MCF2L2: variants seen among roughly 807,000 people sequenced by gnomAD.
The protein encoded by MCF2L2 is MCF.2 cell line derived transforming sequence-like 2.
A neutral mutation model predicts 150.2 loss-of-function variants in MCF2L2; 102 were observed. That is an observed-to-expected ratio of 0.68 (90% CI 0.58 to 0.80). The LOEUF (loss-of-function observed/expected upper bound fraction) is 0.80, where lower values mean the gene tolerates loss of function less well. MCF2L2 is among the 30% of genes least tolerant of loss of function. The pLI, the probability that MCF2L2 is intolerant of heterozygous loss-of-function variation, is 0.00. For synonymous variants in MCF2L2, 465 were observed against 491.3 expected (o/e 0.95, Z 0.71); for missense variants, 1,256 against 1,372.8 (o/e 0.91, Z 1.34).
intron 26 of MCF2L2, among the ~76,000 whole-genome samples, chr3:183,193,548 A>T (rs1721980053): frequency 6.6e-6 from 1 of 151,994 alleles, no homozygotes; most frequent in East Asian, 1.9e-4. Context: ...ACGAGGTTTC[A>T]CCATGTTGGC....
chr3:183,327,956 C>T (rs1236350991), intron 5 of MCF2L2, among the ~76,000 whole-genome samples: 1 of 152,098 alleles, frequency 6.6e-6, no homozygotes, highest in Non-Finnish European at 1.5e-5. Context: ...TACATGAATG[C>T]GGTGACTCAG....
chr3:183,211,418 G>A, intron 22 of MCF2L2, among the ~76,000 whole-genome samples: 1 of 152,192 alleles, frequency 6.6e-6, no homozygotes. Flanking sequence ...TATCCTCTGG[G>A]TCATGTTGCA....
At chr3:183,399,166 T>C (rs1714614462) in intron 1 of MCF2L2, among the ~76,000 whole-genome samples, 1 of 152,326 alleles carries the variant, frequency 6.6e-6, no homozygotes, top group African/African-American at 2.4e-5. Context: ...GTAGCAAATA[T>C]ATAATAGCCA....
At chr3:183,180,297 A>C (rs1721474140) in intron 27 of MCF2L2, 138 bp from the exon 28 acceptor site, 1 of 670,994 alleles carries the variant, frequency 1.5e-6, no homozygotes, top group Admixed American at 2.5e-5. Context: ...AAGGGCCTGC[A>C]CTGCGCTGGG....
At chr3:183,420,883 C>T (rs1715848991) in intron 1 of MCF2L2, among the ~76,000 whole-genome samples, 1 of 152,176 alleles carries the variant, frequency 6.6e-6, no homozygotes, top group South Asian at 2.1e-4. Flanking sequence ...CCACCAGGTC[C>T]CTCCCTTAAC....
chr3:183,185,965 A>C (rs572835561), intron 27 of MCF2L2, among the ~76,000 whole-genome samples: 16 of 152,116 alleles, frequency 1.1e-4, no homozygotes, highest in Non-Finnish European at 2.1e-4. Flanking sequence ...AGGCAGTCTG[A>C]GCTGGCTGTC....
At chr3:183,249,276 G>A (rs1166319275) in intron 15 of MCF2L2, among the ~76,000 whole-genome samples, 1 of 152,164 alleles carries the variant, frequency 6.6e-6, no homozygotes, top group African/African-American at 2.4e-5. Context: ...GCTGGGAAAA[G>A]GAGAAGAAAT....
In MCF2L2 at chr3:183,338,851, G is replaced by T; in HGVS notation, c.435C>A (p.Phe145Leu). Residue 145 changes from phenylalanine to leucine, a missense_variant, in exon 5 of 30, where the codon TTC (phenylalanine) becomes TTA (leucine). Coordinates refer to ENST00000328913, the MANE Select transcript of MCF2L2 (RefSeq NM_015078.4). ...GATAGTATTTAATGCCAATGTCAGT[G>T]AATGTCCTCTGGATAAAGCGAGATG... The part of the protein sequence containing the change: ...LRPSRFIQRT[F>L]TDIGIKYYRN... 1.2e-6 allele frequency: 2 copies of T among 1,608,598 alleles called. No homozygotes were observed. The highest frequency in any genetic ancestry group is 2.2e-5 in the South Asian group (2 of 90,572).
At chr3:183,308,654 G>T (rs1362823536) in intron 10 of MCF2L2, among the ~76,000 whole-genome samples, 1 of 152,214 alleles carries the variant, frequency 6.6e-6, no homozygotes, top group Non-Finnish European at 1.5e-5. Context: ...AGCTCTTAGA[G>T]TCAGTGTGGC....
In MCF2L2 at chr3:183,179,611, G is replaced by T; in HGVS notation, c.3187C>A (p.Gln1063Lys). 1.2e-6 allele frequency: 2 copies of T among 1,614,138 alleles called. No individual in the cohort carries two copies. The highest frequency in any genetic ancestry group is 1.7e-6 in the Non-Finnish European group (2 of 1,179,984). Residue 1063 changes from glutamine to lysine, a missense_variant, in exon 29 of 30, where the codon CAG becomes AAG. Gln to Lys is a moderately conservative substitution (Grantham distance 53). Coordinates refer to ENST00000328913, the MANE Select transcript of MCF2L2 (RefSeq NM_015078.4). The surrounding 1 kb of genome is among the most constrained non-coding windows in gnomAD (Gnocchi z 4.2). ...SAFLERGESSQGEKEERDEEE... is the reference protein window; with the variant it reads ...SAFLERGESSKGEKEERDEEE... The stretch of plus-strand genomic sequence containing the variant: ...TCATCGCGTTCTTCTTTTTCTCCCT[G>T]GCTGCTTTCTCCCCTCTCCAGGAAA...
chr3:183,184,218 A>G (rs1251669262), intron 27 of MCF2L2, among the ~76,000 whole-genome samples: 1 of 152,160 alleles, frequency 6.6e-6, no homozygotes, highest in Non-Finnish European at 1.5e-5. Context: ...GGGTTTCACC[A>G]TATTGGTCAG....
chr3:183,286,840 G>A (rs370249927), intron 14 of MCF2L2, among the ~76,000 whole-genome samples: 2 of 152,214 alleles, frequency 1.3e-5, no homozygotes, highest in South Asian at 2.1e-4. Context: ...AACATACACT[G>A]TTGTGGGAGA....
chr3:183,377,274 T>G (rs1214243431), intron 3 of MCF2L2: 1 of 152,196 alleles, frequency 6.6e-6, no homozygotes, highest in Non-Finnish European at 1.5e-5. Flanking sequence ...CTCCTGCTTA[T>G]GAGTGAGAAC....
intron 14 of MCF2L2, among the ~76,000 whole-genome samples, chr3:183,285,577 T>C (rs919154064): frequency 6.6e-6 from 1 of 152,222 alleles, no homozygotes; most frequent in African/African-American, 2.4e-5. Flanking sequence ...CCCAGTACAA[T>C]GTCTGGCCTT....
chr3:183,307,358 T>C (rs1414801156), intron 10 of MCF2L2, among the ~76,000 whole-genome samples: 1 of 152,176 alleles, frequency 6.6e-6, no homozygotes, highest in South Asian at 2.1e-4. Context: ...TGAGGGAAGA[T>C]ATATTGAAAA....
At chr3:183,215,944 GCTC>G in intron 22 of MCF2L2, 22 bp downstream of exon 22, 1 of 1,607,238 alleles carries the variant, frequency 6.2e-7, no homozygotes, top group Non-Finnish European at 8.5e-7. Flanking sequence ...TGTGTGAGAT[GCTC>G]TAACACTACT....
At chr3:183,246,934 G>A (rs1019021009) in intron 15 of MCF2L2, among the ~76,000 whole-genome samples, 1 of 152,056 alleles carries the variant, frequency 6.6e-6, no homozygotes, top group Non-Finnish European at 1.5e-5. Context: ...TAATGTGTGC[G>A]TTATCTTACT....
Position 183,272,959 on chromosome 3 carries a change from A to G in MCF2L2, c.1862+3913T>C, listed in dbSNP as rs16857228. The G allele has an allele frequency of 5.0e-3, 7,291 of 1,447,738 alleles. 316 individuals carry two copies. In the African/African-American group the frequency reaches 0.09, roughly 18 times the overall value. 89.7% of individuals were successfully genotyped at this position (1,447,738 alleles called of 1,614,324 possible). A position where few individuals can be genotyped will look rare whatever the true frequency, so the allele number is the denominator to read the frequency against. On this transcript the variant is annotated intron_variant, in intron 15 of 29. Transcript: ENST00000328913. ...TAATTTTTGCTTAGAATAGAATGGA[A>G]CAAGTTTAAATTTCAAGGAAATATG... is the stretch of plus-strand genomic sequence containing the variant.
At chr3:183,375,518 C>T (rs1463259218) in intron 3 of MCF2L2, 1 of 152,090 alleles carries the variant, frequency 6.6e-6, no homozygotes, top group African/African-American at 2.4e-5. Flanking sequence ...AATGAGTTTC[C>T]TGCGGTCTGA....
Sources: allele counts gnomAD v4.1 joint callset (sites outside exome capture counted in the v4.1 genomes callset), GRCh38; gene constraint gnomAD v4.1.1; non-coding constraint Gnocchi (gnomAD v3.1); transcripts MANE v1.5; gene names NCBI Gene and HGNC (gene_info 2026-07-23, HGNC 2026-07-21).